Variants in UGT2B11 observed in about 807,000 individuals in gnomAD.
The protein encoded by UGT2B11 is UDP-glucuronosyltransferase 2B11.
In UGT2B11, 49 loss-of-function variants were observed where a neutral mutation model predicts 51.7. The ratio of observed to expected loss-of-function variants is 0.95; its 90% CI spans 0.75 to 1.20. UGT2B11 has a LOEUF of 1.20. UGT2B11 is among the 50% of genes most tolerant of loss of function. UGT2B11 has a pLI of 0.00. For missense variants in UGT2B11, 810 were observed against 622.1 expected, an observed-to-expected ratio of 1.30 and a Z score of -3.21; for synonymous variants, 273 against 209.0, an observed-to-expected ratio of 1.31 and a Z score of -2.64.
At chr4:69,205,947 T>A (rs578183741) in intron 3 of UGT2B11, among the ~76,000 whole-genome samples, 2 of 151,700 alleles carry the variant, frequency 1.3e-5, no homozygotes, top group East Asian at 2.0e-4. Context: ...CCAATCAGAA[T>A]GGCCATTATT....
chr4:69,213,070 C>T (rs2109954245), intron 1 of UGT2B11, among the ~76,000 whole-genome samples: 1 of 151,402 alleles, frequency 6.6e-6, no homozygotes. Flanking sequence ...CTTTGAGCTC[C>T]ATAATCAATT....
At chr4:69,203,029 C>G (rs1721717578) in intron 5 of UGT2B11, among the ~76,000 whole-genome samples, 1 of 151,500 alleles carries the variant, frequency 6.6e-6, no homozygotes, top group Non-Finnish European at 1.5e-5. Flanking sequence ...AAAAATTTAA[C>G]TTAAAATTAT....
At chr4:69,211,271 T>C (rs545833675) in intron 2 of UGT2B11, 93 of 151,680 alleles carry the variant, frequency 6.1e-4, no homozygotes, top group African/African-American at 2.0e-3. Flanking sequence ...ATTTATATTG[T>C]TGAGGAAGAG....
intron 2 of UGT2B11, among the ~76,000 whole-genome samples, chr4:69,209,048 A>T (rs1027174456): frequency 2.0e-5 from 3 of 151,630 alleles, no homozygotes; most frequent in African/African-American, 7.3e-5. Context: ...AAAGTTTGTC[A>T]GAGTTTTCCA....
intron 5 of UGT2B11, 111 bp downstream of exon 5, chr4:69,204,319 T>C (rs1240994935): frequency 2.7e-6 from 4 of 1,482,598 alleles, no homozygotes; most frequent in Non-Finnish European, 3.6e-6. Flanking sequence ...GGTTATATCA[T>C]TTAAATTCTT....
At chr4:69,223,329 T>C in the UGT2B11 span, among the ~76,000 whole-genome samples, 1 of 151,958 alleles carries the variant, frequency 6.6e-6, no homozygotes, top group African/African-American at 2.4e-5. Flanking sequence ...CCGCTGGTTA[T>C]TCCTGGGACT....
At chr4:69,216,465 G>A (rs1390856126), upstream of UGT2B11, 1 of 151,720 alleles carries the variant, frequency 6.6e-6, no homozygotes, top group South Asian at 2.1e-4. Flanking sequence ...GATGGAAGCT[G>A]AAGGTGACAA....
At chr4:69,205,167 T>C (rs1389006948) in intron 4 of UGT2B11, among the ~76,000 whole-genome samples, 1 of 151,596 alleles carries the variant, frequency 6.6e-6, no homozygotes, top group Non-Finnish European at 1.5e-5. Flanking sequence ...GAAATAATCC[T>C]GCAGGAGAGG....
At chr4:69,223,448 G>T in the UGT2B11 span, among the ~76,000 whole-genome samples, 18 of 152,152 alleles carry the variant, frequency 1.2e-4, no homozygotes, top group African/African-American at 4.3e-4. Context: ...TTACCGGCAG[G>T]ATGGAAACTT....
chr4:69,221,948 G>A, the UGT2B11 span, among the ~76,000 whole-genome samples: 1 of 152,370 alleles, frequency 6.6e-6, no homozygotes, highest in East Asian at 1.9e-4. Flanking sequence ...ATGGGTGAGG[G>A]GGTGGTTTGT....
chr4:69,214,266 C>A lies in UGT2B11; in HGVS notation c.457G>T (p.Val153Phe), dbSNP rs139371276. ...SRFDIVFADAVFPCGELLAAL... is the reference protein window; with the variant it reads ...SRFDIVFADAFFPCGELLAAL... ...GCCAGCAGCTCACCACAGGGAAAAA[C>A]AGCATCTGCAAAAACGATGTCAAAT... is the stretch of plus-strand genomic sequence containing the variant. The change falls in exon 1 of 6, where the codon GTT (valine) becomes TTT (phenylalanine). Residue 153 changes from valine to phenylalanine, a missense_variant. Transcript: ENST00000446444. 1.3e-5 allele frequency: 21 copies of A among 1,613,094 alleles called. No individual in the cohort carries two copies. The highest frequency in any genetic ancestry group is 1.6e-4 in the Middle Eastern group (1 of 6,076).
At chr4:69,208,206 T>C (rs1017297312) in intron 3 of UGT2B11, 145 bp downstream of exon 3, 46 of 1,482,228 alleles carry the variant, frequency 3.1e-5, no homozygotes, top group African/African-American at 4.3e-5. Context: ...CTATTACTTG[T>C]GTTGGTGGAA....
At chr4:69,216,286 T>C (rs1035430478), upstream of UGT2B11, 5 of 151,908 alleles carry the variant, frequency 3.3e-5, no homozygotes, top group Admixed American at 2.6e-4. Context: ...TATCAGAACA[T>C]TCATGATATG....
chr4:69,220,117 C>A, the UGT2B11 span, among the ~76,000 whole-genome samples: 1 of 152,158 alleles, frequency 6.6e-6, no homozygotes, highest in African/African-American at 2.4e-5. Context: ...GACAAAGGGG[C>A]TACAGGCTCC....
At chr4:69,205,750 GA>G in intron 3 of UGT2B11, 183 bp from the exon 4 acceptor site, 1 of 674,830 alleles carries the variant, frequency 1.5e-6, no homozygotes. Context: ...AGATATATAA[GA>G]AACCATGATT....
At chr4:69,224,024 GA>G in the UGT2B11 span, among the ~76,000 whole-genome samples, 1 of 152,126 alleles carries the variant, frequency 6.6e-6, no homozygotes, top group African/African-American at 2.4e-5. Context: ...TTGATGTGGG[GA>G]ACCATACACT....
rs145784351 is a variant in UGT2B11, at chr4:69,214,144, G to T, written c.579C>A (p.Tyr193Ter). 3 of 1,612,674 alleles carry T rather than the reference G, an allele frequency of 1.9e-6. No individual in the cohort carries two copies. Among genetic ancestry groups the T allele is most frequent in the Non-Finnish European group, 1.7e-6 (2 of 1,179,178 alleles). ...HSGGLIFPPS[Y>*]IPIVMSKLSD... is the part of the protein sequence containing the mutation. Reference sequence around the variant, plus strand: ...TTAATTTTGACATAACAATAGGTATGTAGGAAGGAGGGAAAATCAGTCCTC... The same window carrying T: ...TTAATTTTGACATAACAATAGGTATTTAGGAAGGAGGGAAAATCAGTCCTC... The change falls in exon 1 of 6, where the codon TAC becomes TAA. Residue 193 changes from tyrosine to a stop codon, truncating the protein, a stop_gained. Coordinates refer to ENST00000446444, the MANE Select transcript of UGT2B11 (RefSeq NM_001073.3). LOFTEE classifies it high-confidence loss of function.
At chr4:69,213,481 C>T (rs555871188) in intron 1 of UGT2B11, among the ~76,000 whole-genome samples, 3 of 151,738 alleles carry the variant, frequency 2.0e-5, no homozygotes, top group Admixed American at 6.6e-5. Flanking sequence ...TTCAAATCAC[C>T]CTTATTGACT....
chr4:69,205,789 G>C (rs1721832915), intron 3 of UGT2B11: 1 of 461,992 alleles, frequency 2.2e-6, no homozygotes. Flanking sequence ...AGAAAAATAA[G>C]ACTATCAATG....
Sources: gnomAD v4.1 joint callset for allele counts (sites outside exome capture counted in the v4.1 genomes callset) on GRCh38, gnomAD v4.1.1 for gene constraint, MANE v1.5 for transcripts, NCBI Gene and HGNC (gene_info 2026-07-23, HGNC 2026-07-21) for gene names.